Variants in NASP observed in about 807,000 individuals in gnomAD.
NASP encodes NASP histone chaperone.
A neutral mutation model predicts 89.5 loss-of-function variants in NASP; 24 were observed. That is an observed-to-expected ratio of 0.27 (90% CI 0.19 to 0.38). The LOEUF is 0.38. Among genes scored for constraint, NASP ranks in the 10% least tolerant of loss-of-function variants. The pLI is 1.00. For missense variants in NASP, 848 were observed against 921.4 expected (o/e 0.92, Z 1.03); for synonymous variants, 306 against 324.7 (o/e 0.94, Z 0.62).
intron 2 of NASP, among the ~76,000 whole-genome samples, chr1:45,601,919 A>AT (rs1368639219): frequency 6.6e-6 from 1 of 151,410 alleles, no homozygotes; most frequent in Non-Finnish European, 1.5e-5. Flanking sequence ...CGCCCGGCTA[A>AT]TTTTTTGTAT....
At chr1:45,604,729 C>T (rs913712312) in intron 3 of NASP, among the ~76,000 whole-genome samples, 3 of 152,096 alleles carry the variant, frequency 2.0e-5, no homozygotes. Flanking sequence ...ATTTATGTCA[C>T]TTAGGATGTA....
At chr1:45,601,008 C>A (rs576949768) in intron 2 of NASP, among the ~76,000 whole-genome samples, 1 of 152,130 alleles carries the variant, frequency 6.6e-6, no homozygotes, top group South Asian at 2.1e-4. Context: ...TAAAATCTTT[C>A]GCCCCCTTTT....
intron 6 of NASP, chr1:45,609,622 A>G (rs1292834636): frequency 6.6e-6 from 1 of 152,236 alleles, no homozygotes; most frequent in Admixed American, 6.5e-5. Flanking sequence ...ATGGTAAGCT[A>G]CAATACAGAT....
chr1:45,614,200 C>G lies in NASP; in HGVS notation c.1592+19C>G. ...TTAAAAGGTAAAACTCTTGGTGCTT[C>G]TAGGCTTGGGTTGGGAGTTTGGTGG... On this transcript the variant is annotated intron_variant, in intron 8 of 14. Coordinates refer to ENST00000350030, the MANE Select transcript of NASP (RefSeq NM_002482.4). 6.2e-7 allele frequency: 1 copy of G among 1,604,504 alleles called. No individual in the cohort carries two copies. Among genetic ancestry groups the G allele is most frequent in the Non-Finnish European group, 8.5e-7 (1 of 1,171,352 alleles).
chr1:45,616,250 G>A, intron 11 of NASP, 87 bp from the exon 12 acceptor site: 1 of 1,245,304 alleles, frequency 8.0e-7, no homozygotes, highest in Non-Finnish European at 1.2e-6. Flanking sequence ...TTAGTCAGTT[G>A]TTTGGATGGT....
Position 45,595,944 on chromosome 1 carries a change from T to G in NASP, c.107+4674T>G, listed in dbSNP as rs76959498. ...TTGAGCTACTTTTTTCATGTAACTT[T>G]ACTGGCTTTTATTCGAAAGAATGTT... is the stretch of plus-strand genomic sequence containing the variant. On this transcript the variant is annotated intron_variant, in intron 2 of 14. Coordinates refer to ENST00000350030, the MANE Select transcript of NASP (RefSeq NM_002482.4). Among the ~76,000 whole-genome samples, 458 of 152,362 alleles carry G rather than the reference T, an allele frequency of 3.0e-3. 4 individuals carry two copies. The highest frequency in any genetic ancestry group is 0.022 in the East Asian group (115 of 5,188).
chr1:45,594,054 T>C (rs2148336520), intron 2 of NASP, among the ~76,000 whole-genome samples: 1 of 149,428 alleles, frequency 6.7e-6, no homozygotes, highest in South Asian at 2.1e-4. Context: ...AGAAACAAAA[T>C]AGGGCTAGGC....
intron 2 of NASP, among the ~76,000 whole-genome samples, chr1:45,601,630 C>T (rs1294422276): frequency 6.6e-6 from 1 of 151,138 alleles, no homozygotes; most frequent in Non-Finnish European, 1.5e-5. Flanking sequence ...TTAGCTAGTG[C>T]AATTTGTATG....
intron 3 of NASP, among the ~76,000 whole-genome samples, chr1:45,602,899 G>A (rs1643870423): frequency 6.6e-6 from 1 of 152,192 alleles, no homozygotes; most frequent in Admixed American, 6.5e-5. Flanking sequence ...GCTTTGCAAA[G>A]GGATTACAGG....
chr1:45,613,094 C>T (rs1644043105), intron 6 of NASP, 75 bp from the exon 7 acceptor site: 17 of 1,517,530 alleles, frequency 1.1e-5, no homozygotes, highest in Non-Finnish European at 1.5e-5. Context: ...TAGGTTGAGA[C>T]GTGTATTGGA....
At chr1:45,590,892 G>A (rs763361184) in intron 1 of NASP, among the ~76,000 whole-genome samples, 8 of 152,070 alleles carry the variant, frequency 5.3e-5, no homozygotes, top group South Asian at 2.1e-4. Context: ...TGGCTGTGAC[G>A]GAGTTTGTAG....
intron 9 of NASP, among the ~76,000 whole-genome samples, 195 bp downstream of exon 9, chr1:45,614,561 T>C (rs1424909843): frequency 6.6e-6 from 1 of 152,008 alleles, no homozygotes; most frequent in East Asian, 1.9e-4. Flanking sequence ...TTTTTTGAGA[T>C]GGGGTCTTGC....
rs139030768 is a variant in NASP, at chr1:45,615,961, C to G, written c.2023-376C>G. On this transcript the variant is annotated intron_variant, in intron 11 of 14. Transcript: ENST00000350030. ...ACATATGTGTAAAATATACTTCTGA[C>G]AGTACTGGAAAAATAGACATTTCTT... Among the ~76,000 whole-genome samples, 12 of 152,284 alleles carry G rather than the reference C, an allele frequency of 7.9e-5. No homozygotes were observed. The East Asian group carries it at 2.3e-3, about 29-fold the overall frequency.
At chr1:45,597,099 AGGAGTTTG>A (rs1643717224) in intron 2 of NASP, among the ~76,000 whole-genome samples, 2 of 152,186 alleles carry the variant, frequency 1.3e-5, no homozygotes, top group South Asian at 4.1e-4. Flanking sequence ...ACTTGAGGTC[AGGAGTTTG>A]AGACCAGCCT....
chr1:45,599,951 G>GTTTTTTTTTTTTTTTTTT (rs1375366938), intron 2 of NASP, among the ~76,000 whole-genome samples: 9 of 101,936 alleles, frequency 8.8e-5, no homozygotes, highest in African/African-American at 3.9e-4. Context: ...CTTTTCCTCT[G>GTTTTTTTTTTTTTTTTTT]TATTTTTTTT....
rs1449671359 is a variant in NASP, at chr1:45,607,317, G to A, written c.410-4G>A. ...TTTATGCTTCATGTTCTTTAACCAT[G>A]TAGAGGAAGCAAGGGAAGAGTTGAG... On this transcript the variant is annotated splice_polypyrimidine_tract_variant and splice_region_variant and intron_variant, in intron 5 of 14. Coordinates refer to ENST00000350030, the MANE Select transcript of NASP (RefSeq NM_002482.4). The A allele has an allele frequency of 1.9e-6, 3 of 1,613,388 alleles. No individual in the cohort carries two copies. Among genetic ancestry groups the A allele is most frequent in the Non-Finnish European group, 2.5e-6 (3 of 1,179,718 alleles).
intron 12 of NASP, 44 bp from the exon 13 acceptor site, chr1:45,616,582 C>T (rs1276987332): frequency 3.2e-6 from 5 of 1,581,190 alleles, no homozygotes; most frequent in Non-Finnish European, 4.3e-6. Flanking sequence ...CAGCATTGAT[C>T]TCATATAGCT....
At chr1:45,586,862 C>A (rs918240508) in intron 1 of NASP, among the ~76,000 whole-genome samples, 9 of 151,836 alleles carry the variant, frequency 5.9e-5, no homozygotes, top group Non-Finnish European at 1.0e-4. Flanking sequence ...AACCTCAGTT[C>A]AGGTTTTTTA....
At chr1:45,588,452 A>G (rs1348738544) in intron 1 of NASP, among the ~76,000 whole-genome samples, 4 of 151,896 alleles carry the variant, frequency 2.6e-5, no homozygotes, top group Admixed American at 6.6e-5. Context: ...AAGGGGTCTC[A>G]TTTTGCTGCT....
Sources: gnomAD v4.1 joint callset for allele counts (sites outside exome capture counted in the v4.1 genomes callset) on GRCh38, gnomAD v4.1.1 for gene constraint, MANE v1.5 for transcripts, NCBI Gene and HGNC (gene_info 2026-07-23, HGNC 2026-07-21) for gene names.